BLM: variants seen among roughly 807,000 people sequenced by gnomAD.
BLM encodes BLM RecQ like helicase.
BLM carries 95 observed loss-of-function variants against 135.3 expected under a neutral mutation model. The observed-to-expected ratio is 0.70, with a 90% CI of 0.59 to 0.83. The LOEUF (loss-of-function observed/expected upper bound fraction) is 0.83. BLM is among the 40% of genes least tolerant of loss of function. BLM has a pLI of 0.00. For synonymous variants in BLM, 520 were observed against 589.2 expected (o/e 0.88, Z 1.70); for missense variants, 1,518 against 1,663.9 (o/e 0.91, Z 1.53).
At position 90,804,164 on chromosome 15, in the gene BLM, A is replaced by G. The variant is rs766474320; in HGVS notation, c.3559-3A>G. 1.2e-6 allele frequency: 2 copies of G among 1,613,010 alleles called. No homozygotes were observed. The highest frequency in any genetic ancestry group is 2.2e-5 in the South Asian group (2 of 91,068). Reference sequence around the variant, plus strand: ...TCCTATGATTTGTTTCTCTCTCATAAAGGTAGACTTTATGGAAACAGAAAA... The same window carrying G: ...TCCTATGATTTGTTTCTCTCTCATAGAGGTAGACTTTATGGAAACAGAAAA... On this transcript the variant is annotated splice_region_variant and splice_polypyrimidine_tract_variant and intron_variant, in intron 18 of 21. Coordinates refer to ENST00000355112, the MANE Select transcript of BLM (RefSeq NM_000057.4).
chr15:90,740,879 C>T (rs551643922), intron 1 of BLM, among the ~76,000 whole-genome samples: 23 of 152,318 alleles, frequency 1.5e-4, no homozygotes, highest in Admixed American at 6.5e-4. Flanking sequence ...GATTGTGAGG[C>T]CTCCCCAGCC....
At position 90,815,420 on chromosome 15, in the gene BLM, A is replaced by G. The variant is rs1001398673; in HGVS notation, c.*141A>G. 4 of 907,116 alleles carry G rather than the reference A, an allele frequency of 4.4e-6. No homozygotes were observed. In the African/African-American group the frequency reaches 5.1e-5, roughly 12 times the overall value. 56.2% of individuals were successfully genotyped at this position (907,116 alleles called of 1,614,324 possible). ...ATATTTAAATAAATGCTGGGGGGTG[A>G]TAGTTCTTCTTTTTAAAATAAACAT... On this transcript the variant is annotated 3_prime_UTR_variant, in exon 22 of 22. Transcript: ENST00000355112. This position sits in a 1 kb window ranked among gnomAD's most constrained non-coding sequence, Gnocchi z 4.6.
intron 12 of BLM, among the ~76,000 whole-genome samples, chr15:90,775,637 G>C (rs1027495238): frequency 6.6e-6 from 1 of 151,694 alleles, no homozygotes; most frequent in Admixed American, 6.6e-5. Flanking sequence ...TCAGCCTCCT[G>C]AGTAGCTGGG....
chr15:90,727,899 A>G (rs1360073144), intron 1 of BLM, among the ~76,000 whole-genome samples: 1 of 152,152 alleles, frequency 6.6e-6, no homozygotes, highest in Non-Finnish European at 1.5e-5. Context: ...CCAGAAAAAA[A>G]AAAAGCTGGA....
At chr15:90,752,402 C>G (rs971058624) in intron 4 of BLM, among the ~76,000 whole-genome samples, 1 of 152,112 alleles carries the variant, frequency 6.6e-6, no homozygotes, top group African/African-American at 2.4e-5. Flanking sequence ...GTCTTGAACC[C>G]CTGAGCTCAG....
At chr15:90,754,257 G>A (rs1427698048) in intron 4 of BLM, among the ~76,000 whole-genome samples, 1 of 152,166 alleles carries the variant, frequency 6.6e-6, no homozygotes, top group African/African-American at 2.4e-5. Flanking sequence ...TAATCAGACT[G>A]ACCAGGTTTA....
At chr15:90,724,532 C>T (rs1361039241) in intron 1 of BLM, among the ~76,000 whole-genome samples, 2 of 152,082 alleles carry the variant, frequency 1.3e-5, no homozygotes. Context: ...TTAGTGCAGA[C>T]CCCAAATGTT....
intron 16 of BLM, among the ~76,000 whole-genome samples, chr15:90,797,136 A>T (rs1305852444): frequency 6.6e-6 from 1 of 152,136 alleles, no homozygotes; most frequent in East Asian, 1.9e-4. Flanking sequence ...GTAGATGGCC[A>T]GGTGCAGTGG....
intron 12 of BLM, among the ~76,000 whole-genome samples, chr15:90,779,301 T>C (rs1017351164): frequency 6.8e-6 from 1 of 146,868 alleles, no homozygotes; most frequent in Non-Finnish European, 1.5e-5. Flanking sequence ...CAACACTTGT[T>C]TTTGTCTCTC....
intron 1 of BLM, among the ~76,000 whole-genome samples, chr15:90,746,069 C>T (rs1311165149): frequency 1.3e-5 from 2 of 152,136 alleles, no homozygotes; most frequent in African/African-American, 4.8e-5. Context: ...CAGATCAAGA[C>T]CCTGTCTCAG....
chr15:90,765,003 A>G (rs1345642153), intron 8 of BLM, among the ~76,000 whole-genome samples: 1 of 152,130 alleles, frequency 6.6e-6, no homozygotes, highest in African/African-American at 2.4e-5. Context: ...TGGGAGGTGG[A>G]GATTGTAGTG....
At chr15:90,778,560 C>A (rs1896535963) in intron 12 of BLM, among the ~76,000 whole-genome samples, 1 of 152,204 alleles carries the variant, frequency 6.6e-6, no homozygotes, top group Admixed American at 6.5e-5. Context: ...CCTAGGCAAC[C>A]ACTAATCTGC....
chr15:90,723,481 G>C (rs988945656), intron 1 of BLM, among the ~76,000 whole-genome samples: 22 of 151,560 alleles, frequency 1.5e-4, no homozygotes, highest in Non-Finnish European at 1.5e-4. Flanking sequence ...TGGGAGACTT[G>C]TCTCTATAAA....
chr15:90,793,282 G>T (rs960124155), intron 15 of BLM, among the ~76,000 whole-genome samples: 7 of 151,626 alleles, frequency 4.6e-5, no homozygotes, highest in Non-Finnish European at 7.4e-5. Flanking sequence ...TTACAGGCTC[G>T]CACCACCACA....
rs1158382197 is a variant in BLM at position 90,734,706 on chromosome 15, G to C, written c.-4-12683G>C. On this transcript the variant is annotated intron_variant, in intron 1 of 21. Coordinates refer to ENST00000355112, the MANE Select transcript of BLM (RefSeq NM_000057.4). ...ACACACACACACACGCAGAGAGAGA[G>C]AGAGAGAGAGAGAGAGAGAGAGAGA... is the stretch of plus-strand genomic sequence containing the variant. 2.8e-4 allele frequency among the ~76,000 whole-genome samples: 39 copies of C among 141,062 alleles called. 1 individual carries two copies. Among genetic ancestry groups the C allele is most frequent in the African/African-American group, 1.1e-3 (36 of 32,318 alleles). The allele number at this position is 141,062 out of a possible 152,430, so 92.5% of individuals were successfully genotyped here.
At chr15:90,729,183 G>A (rs570921478) in intron 1 of BLM, among the ~76,000 whole-genome samples, 23 of 152,108 alleles carry the variant, frequency 1.5e-4, no homozygotes, top group African/African-American at 5.5e-4. Flanking sequence ...GGTGGTACGC[G>A]CTTGTAATCC....
intron 9 of BLM, among the ~76,000 whole-genome samples, chr15:90,766,591 C>A (rs1482959845): frequency 1.3e-5 from 2 of 152,092 alleles, no homozygotes; most frequent in Non-Finnish European, 2.9e-5. Flanking sequence ...CCACGCCAGG[C>A]TAATTTTTGT....
chr15:90,779,759 A>G (rs1896572108), intron 12 of BLM, among the ~76,000 whole-genome samples: 1 of 152,230 alleles, frequency 6.6e-6, no homozygotes. Context: ...TATTCTCAGT[A>G]TATCTGAAAT....
At chr15:90,745,713 G>A (rs758315086) in intron 1 of BLM, among the ~76,000 whole-genome samples, 5 of 152,084 alleles carry the variant, frequency 3.3e-5, no homozygotes, top group Admixed American at 6.6e-5. Context: ...TGCCAGCCAC[G>A]TGAATATACT....
Sources: gnomAD v4.1 joint callset for allele counts (sites outside exome capture counted in the v4.1 genomes callset) on GRCh38, gnomAD v4.1.1 for gene constraint, Gnocchi (gnomAD v3.1) non-coding constraint, MANE v1.5 for transcripts, NCBI Gene and HGNC (gene_info 2026-07-23, HGNC 2026-07-21) for gene names.